CAMKK2: variants seen among roughly 807,000 people sequenced by gnomAD.
The protein encoded by CAMKK2 is calcium/calmodulin-dependent protein kinase kinase 2.
A neutral mutation model predicts 67.2 loss-of-function variants in CAMKK2; 30 were observed. The ratio of observed to expected loss-of-function variants is 0.45; its 90% CI spans 0.33 to 0.61. The LOEUF (loss-of-function observed/expected upper bound fraction) is 0.61, where lower values mean the gene tolerates loss of function less well. Among genes scored for constraint, CAMKK2 ranks in the 20% least tolerant of loss-of-function variants. CAMKK2 has a pLI of 0.02. For synonymous variants in CAMKK2, 322 were observed against 326.2 expected (o/e 0.99, Z 0.14); for missense variants, 643 against 802.0 (o/e 0.80, Z 2.39).
At chr12:121,256,639 G>T (rs906649108) in intron 7 of CAMKK2, among the ~76,000 whole-genome samples, 2 of 152,028 alleles carry the variant, frequency 1.3e-5, no homozygotes, top group Admixed American at 1.3e-4. Context: ...CATATAAATG[G>T]AATTGTACAC....
chr12:121,291,142 C>A (rs1899925369), intron 1 of CAMKK2, among the ~76,000 whole-genome samples: 1 of 152,106 alleles, frequency 6.6e-6, no homozygotes, highest in Non-Finnish European at 1.5e-5. Context: ...AAATGGGGAG[C>A]CACGATTCTT....
chr12:121,248,849 G>A (rs749975401), intron 13 of CAMKK2, 115 bp from the exon 14 acceptor site: 30 of 1,285,704 alleles, frequency 2.3e-5, no homozygotes, highest in African/African-American at 4.4e-5. Context: ...CTGTGGTCAG[G>A]CATGCAAAAC....
At chr12:121,287,763 A>C (rs1899050847) in intron 1 of CAMKK2, among the ~76,000 whole-genome samples, 1 of 152,124 alleles carries the variant, frequency 6.6e-6, no homozygotes, top group South Asian at 2.1e-4. Flanking sequence ...TGAGGCCAGG[A>C]TTCGAGACCA....
chr12:121,283,640 C>T (rs1165336068), intron 1 of CAMKK2, among the ~76,000 whole-genome samples: 1 of 151,990 alleles, frequency 6.6e-6, no homozygotes, highest in Non-Finnish European at 1.5e-5. Flanking sequence ...TAGTGAGACC[C>T]CATCTCTACA....
At chr12:121,244,727 G>A (rs1889083015) in intron 15 of CAMKK2, 112 bp from the exon 16 acceptor site, 7 of 866,876 alleles carry the variant, frequency 8.1e-6, no homozygotes, top group Non-Finnish European at 1.3e-5. Context: ...GCTTCATAGA[G>A]CTGGAGCCAG....
At chr12:121,292,985 GA>G (rs1275583465) in intron 1 of CAMKK2, among the ~76,000 whole-genome samples, 2 of 147,236 alleles carry the variant, frequency 1.4e-5, no homozygotes, top group East Asian at 4.1e-4. Flanking sequence ...AAAAAAAAAA[GA>G]AAAAAAAAGC....
rs758658098 is a variant in CAMKK2 at position 121,274,487 on chromosome 12, C to A, written c.40G>T (p.Ala14Ser). ...CVSSQPSSNR[A>S]APQDELGGRG... ...CCCCCCAGCTCATCCTGGGGGGCGG[C>A]CCGGTTGCTGCTGGGCTGGCTAGAG... Residue 14 changes from alanine to serine, a missense_variant, in exon 2 of 17, where the codon GCC becomes TCC. Physicochemically the swap from Ala to Ser is moderately conservative, Grantham distance 99 (BLOSUM62 1). Transcript: ENST00000404169. 3 of 1,612,418 alleles carry A rather than the reference C, an allele frequency of 1.9e-6. No homozygotes were observed. The highest frequency in any genetic ancestry group is 1.7e-6 in the Non-Finnish European group (2 of 1,179,930).
rs1312008656 is a variant in CAMKK2, at chr12:121,246,555, AAG to A, written c.1453-1317_1453-1316del. Among the ~76,000 whole-genome samples, 5 of 151,856 alleles carry A rather than the reference AAG, an allele frequency of 3.3e-5. No homozygotes were observed. The South Asian group carries it at 6.2e-4, about 19-fold the overall frequency. Reference sequence around the variant, plus strand: ...GAGCAAAACTCCATCTCAAAAAAAAAAGAGAGAGAGAATGAAGGCCTCTTCCC... The same window carrying A: ...GAGCAAAACTCCATCTCAAAAAAAAAAGAGAGAGAATGAAGGCCTCTTCCC... On this transcript the variant is annotated intron_variant, in intron 14 of 16. Transcript: ENST00000404169.
At chr12:121,293,560 T>C (rs1322897002) in intron 1 of CAMKK2, among the ~76,000 whole-genome samples, 1 of 151,950 alleles carries the variant, frequency 6.6e-6, no homozygotes, top group Non-Finnish European at 1.5e-5. Flanking sequence ...CAAAATGCCT[T>C]GAAAACAGGC....
intron 5 of CAMKK2, 54 bp downstream of exon 5, chr12:121,268,584 T>C: frequency 6.5e-7 from 1 of 1,527,548 alleles, no homozygotes. Flanking sequence ...CAGGGGGCTC[T>C]GCCCTGTCTT....
chr12:121,251,847 T>G (rs199950696), intron 11 of CAMKK2, among the ~76,000 whole-genome samples: 4 of 105,474 alleles, frequency 3.8e-5, no homozygotes, highest in Admixed American at 9.4e-5. Context: ...AAAAAAAAAA[T>G]AGAGAGAGAA....
At chr12:121,279,977 C>T (rs965884838) in intron 1 of CAMKK2, among the ~76,000 whole-genome samples, 2 of 152,240 alleles carry the variant, frequency 1.3e-5, no homozygotes, top group Non-Finnish European at 2.9e-5. Flanking sequence ...CTCCCGAGCC[C>T]GGACACACCT....
At chr12:121,260,965 A>C (rs1893329377) in intron 6 of CAMKK2, among the ~76,000 whole-genome samples, 1 of 151,842 alleles carries the variant, frequency 6.6e-6, no homozygotes, top group Non-Finnish European at 1.5e-5. Flanking sequence ...AAAAAAAAAA[A>C]AAAGAATCCA....
chr12:121,241,445 C>A (rs911649244), intron 16 of CAMKK2, among the ~76,000 whole-genome samples: 4 of 152,222 alleles, frequency 2.6e-5, no homozygotes, highest in African/African-American at 9.6e-5. Flanking sequence ...GCACCTCAGA[C>A]AGAAGAGGAG....
chr12:121,262,621 C>A (rs1817378053), intron 6 of CAMKK2, among the ~76,000 whole-genome samples: 1 of 152,066 alleles, frequency 6.6e-6, no homozygotes, highest in Admixed American at 6.6e-5. Context: ...TGCAGTGGCA[C>A]AATCATGGCT....
intron 11 of CAMKK2, among the ~76,000 whole-genome samples, chr12:121,252,332 A>G (rs1890902108): frequency 6.6e-6 from 1 of 152,224 alleles, no homozygotes; most frequent in Non-Finnish European, 1.5e-5. Flanking sequence ...ACAATGGTGC[A>G]ATCTCAGCTC....
At chr12:121,248,560 C>T (rs757612551) in intron 14 of CAMKK2, 46 bp downstream of exon 14, 1 of 1,612,260 alleles carries the variant, frequency 6.2e-7, no homozygotes, top group East Asian at 2.2e-5. Flanking sequence ...GGCCCCACCT[C>T]AGGCTCCTGG....
At chr12:121,247,081 C>A (rs1889631225) in intron 14 of CAMKK2, among the ~76,000 whole-genome samples, 1 of 152,116 alleles carries the variant, frequency 6.6e-6, no homozygotes, top group Non-Finnish European at 1.5e-5. Context: ...ACCCTCCCTC[C>A]ACCTTCCTTG....
intron 15 of CAMKK2, among the ~76,000 whole-genome samples, 172 bp from the exon 16 acceptor site, chr12:121,244,787 G>T (rs1389510276): frequency 6.6e-6 from 1 of 152,194 alleles, no homozygotes; most frequent in Non-Finnish European, 1.5e-5. Context: ...GGACACACAG[G>T]GTCCTGAGTG....
Sources: gnomAD v4.1 joint callset for allele counts (sites outside exome capture counted in the v4.1 genomes callset) on GRCh38, gnomAD v4.1.1 for gene constraint, MANE v1.5 for transcripts, NCBI Gene and HGNC (gene_info 2026-07-23, HGNC 2026-07-21) for gene names.